Variants in ZNF236 observed in about 807,000 individuals in gnomAD.
ZNF236 encodes zinc finger protein 236, also known as regulated by glucose.
A neutral mutation model predicts 191.2 loss-of-function variants in ZNF236; 50 were observed. That is an observed-to-expected ratio of 0.26 (90% confidence interval 0.21 to 0.33). The LOEUF (loss-of-function observed/expected upper bound fraction) is 0.33. ZNF236 is among the 10% of genes least tolerant of loss of function. ZNF236 has a pLI of 1.00. For missense variants in ZNF236, 1,754 were observed against 2,374.5 expected, an observed-to-expected ratio of 0.74 and a Z score of 5.43; for synonymous variants, 907 against 928.8, an observed-to-expected ratio of 0.98 and a Z score of 0.43.
At position 76,871,728 on chromosome 18, in the gene ZNF236, G is replaced by T. The variant is rs1456661105; in HGVS notation, c.570G>T (p.Arg190=). 4 of 1,614,194 alleles carry T rather than the reference G, an allele frequency of 2.5e-6. No individual in the cohort carries two copies. The highest frequency in any genetic ancestry group is 1.6e-4 in the Middle Eastern group (1 of 6,062). ...TATCAAGTACAAGGTCTTATAACCG[G>T]AATATCGACAGAAGTGGATTCACGT... ...IRVSSTRSYN[R]NIDRSGFTYS... Residue 190 remains arginine (R), a synonymous_variant, in exon 5 of 31, where the codon CGG becomes CGT. Transcript: ENST00000320610.
chr18:76,861,486 T>C (rs1230304535), intron 3 of ZNF236, among the ~76,000 whole-genome samples: 1 of 152,230 alleles, frequency 6.6e-6, no homozygotes, highest in Admixed American at 6.5e-5. Flanking sequence ...TGATTAGCTG[T>C]ATGCTCAGCC....
At chr18:76,968,153 A>C in intron 30 of ZNF236, 62 bp from the exon 31 acceptor site, 1 of 1,589,392 alleles carries the variant, frequency 6.3e-7, no homozygotes, top group Non-Finnish European at 8.6e-7. Context: ...TTATTTAAAT[A>C]GGAATCATTT....
chr18:76,829,255 A>G (rs1568183768), intron 1 of ZNF236, among the ~76,000 whole-genome samples: 1 of 151,942 alleles, frequency 6.6e-6, no homozygotes, highest in East Asian at 1.9e-4. Flanking sequence ...TTTTCTTCAC[A>G]TGAAGTATCA....
rs759378198 is a variant in ZNF236, at chr18:76,919,755, C to G, written c.3275-21C>G. 1 of 1,605,554 alleles carries G rather than the reference C, an allele frequency of 6.2e-7. No homozygotes were observed. On this transcript the variant is annotated intron_variant, in intron 19 of 30. Transcript: ENST00000320610. This position sits in a 1 kb window ranked among gnomAD's most constrained non-coding sequence, Gnocchi z 5.3. The stretch of plus-strand genomic sequence containing the variant: ...GTTTTCTTCATTACGATTTTGATCC[C>G]TTTTCCTTGATTTTGTGTAGACATT...
Position 76,972,852 on chromosome 18 carries a change from A to G in ZNF236, c.*4513A>G, listed in dbSNP as rs1406150317. 6.6e-6 allele frequency among the ~76,000 whole-genome samples: 1 copy of G among 152,188 alleles called. No individual in the cohort carries two copies. Among genetic ancestry groups the G allele is most frequent in the African/African-American group, 2.4e-5 (1 of 41,430 alleles). On this transcript the variant is annotated 3_prime_UTR_variant, in exon 31 of 31. Coordinates refer to ENST00000320610, the MANE Select transcript of ZNF236 (RefSeq NM_001306089.2). ...GAAATGGATAGTGATGCCAAAAGCCACCGTGCTGGCTTTAAAAATAATAAA... is the reference window on the plus strand; with the variant it reads ...GAAATGGATAGTGATGCCAAAAGCCGCCGTGCTGGCTTTAAAAATAATAAA...
chr18:76,967,998 G>C (rs892281433), intron 30 of ZNF236, among the ~76,000 whole-genome samples: 1 of 152,150 alleles, frequency 6.6e-6, no homozygotes, highest in Non-Finnish European at 1.5e-5. Context: ...CATATCACCA[G>C]TGCTGTGTGT....
intron 10 of ZNF236, among the ~76,000 whole-genome samples, chr18:76,895,895 G>C (rs1011235211): frequency 6.8e-6 from 1 of 146,990 alleles, no homozygotes; most frequent in Non-Finnish European, 1.5e-5. Flanking sequence ...TACCCACACT[G>C]GTACTGCCCA....
In ZNF236 at chr18:76,871,727, G is replaced by A. The variant is rs373923548; in HGVS notation, c.569G>A (p.Arg190Gln). 1.9e-6 allele frequency: 3 copies of A among 1,614,020 alleles called. No individual in the cohort carries two copies. Among genetic ancestry groups the A allele is most frequent in the African/African-American group, 2.7e-5 (2 of 74,904 alleles). ...IRVSSTRSYN[R>Q]NIDRSGFTYS... Reference sequence around the variant, plus strand: ...GTATCAAGTACAAGGTCTTATAACCGGAATATCGACAGAAGTGGATTCACG... The same window carrying A: ...GTATCAAGTACAAGGTCTTATAACCAGAATATCGACAGAAGTGGATTCACG... The change falls in exon 5 of 31, where the codon CGG becomes CAG. Residue 190 changes from arginine (R) to glutamine (Q), a missense_variant. Transcript: ENST00000320610.
intron 21 of ZNF236, 126 bp downstream of exon 21, chr18:76,923,300 G>A (rs1335660950): frequency 1.0e-5 from 6 of 600,760 alleles, no homozygotes; most frequent in African/African-American, 5.7e-5. Context: ...GAGGCACCAA[G>A]AAGGAAGTGA....
chr18:76,941,799 A>G (rs902708729), intron 26 of ZNF236, among the ~76,000 whole-genome samples: 1 of 152,230 alleles, frequency 6.6e-6, no homozygotes, highest in African/African-American at 2.4e-5. Context: ...ATTAGCATGC[A>G]TTGTCCAACA....
intron 1 of ZNF236, among the ~76,000 whole-genome samples, chr18:76,848,971 T>A (rs950036697): frequency 6.6e-6 from 1 of 152,228 alleles, no homozygotes; most frequent in Non-Finnish European, 1.5e-5. Context: ...TTTTCTTTTT[T>A]ACTTAATCTT....
chr18:76,930,224 T>C (rs146841928), intron 25 of ZNF236, among the ~76,000 whole-genome samples: 54 of 152,356 alleles, frequency 3.5e-4, no homozygotes, highest in African/African-American at 1.2e-3. Flanking sequence ...CTCATGTTCA[T>C]CATGCAGTTT....
intron 1 of ZNF236, among the ~76,000 whole-genome samples, chr18:76,847,113 T>TTTTTTTTTTTTTTTTTTGAG (rs1294475871): frequency 6.6e-6 from 1 of 152,040 alleles, no homozygotes; most frequent in African/African-American, 2.4e-5. Context: ...TTTTCAATTT[T>TTTTTTTTTTTTTTTTTTGAG]AAATGTATAG....
intron 25 of ZNF236, among the ~76,000 whole-genome samples, chr18:76,936,677 G>C (rs895712793): frequency 2.0e-5 from 3 of 152,204 alleles, no homozygotes; most frequent in African/African-American, 7.2e-5. Context: ...AAGCTCAGGA[G>C]CTAGTTATTC....
chr18:76,856,798 C>A (rs998514336), intron 3 of ZNF236, among the ~76,000 whole-genome samples: 4 of 152,126 alleles, frequency 2.6e-5, no homozygotes, highest in Admixed American at 6.5e-5. Context: ...CTCTTCCTGG[C>A]AGAAATTTTT....
Position 76,895,114 on chromosome 18 carries a change from A to G in ZNF236, c.1519A>G (p.Thr507Ala). 1 of 1,611,598 alleles carries G rather than the reference A, an allele frequency of 6.2e-7. No homozygotes were observed. The highest frequency in any genetic ancestry group is 1.1e-5 in the South Asian group (1 of 91,082). ...CCTGGTCCGCCACATCCGCATCCAC[A>G]CCCACGAGAAGCCCTTCAAGTGCCC... is the stretch of plus-strand genomic sequence containing the variant. ...SDLVRHIRIH[T>A]HEKPFKCPQC... is the part of the protein sequence containing the mutation. Residue 507 changes from threonine to alanine, a missense_variant, in exon 10 of 31, where the codon ACC becomes GCC. Around this residue, in one of 5 missense-constraint regions of ZNF236, gnomAD observed 641 missense variants for 869.6 expected, o/e 0.74. Transcript: ENST00000320610.
intron 9 of ZNF236, among the ~76,000 whole-genome samples, chr18:76,893,507 C>CTT (rs905728977): frequency 1.3e-5 from 2 of 151,852 alleles, no homozygotes; most frequent in African/African-American, 4.8e-5. Context: ...TTCTACCTTT[C>CTT]TTTCCTTTTT....
intron 1 of ZNF236, among the ~76,000 whole-genome samples, chr18:76,822,981 C>T (rs1307890206): frequency 4.0e-5 from 6 of 149,068 alleles, no homozygotes; most frequent in Non-Finnish European, 7.5e-5. Flanking sequence ...CTGGCCCTGC[C>T]GCGGCCCGCG....
chr18:76,865,851 T>G (rs916630940), intron 3 of ZNF236, among the ~76,000 whole-genome samples: 9 of 152,256 alleles, frequency 5.9e-5, no homozygotes, highest in African/African-American at 1.4e-4. Flanking sequence ...CCTGTAAACA[T>G]GTCTTCTTAA....
Sources: allele counts gnomAD v4.1 joint callset (sites outside exome capture counted in the v4.1 genomes callset), GRCh38; gene constraint gnomAD v4.1.1; regional missense constraint gnomAD v4.1.1; non-coding constraint Gnocchi (gnomAD v3.1); transcripts MANE v1.5; gene names NCBI Gene and HGNC (gene_info 2026-07-23, HGNC 2026-07-21).